PRKAR1B: variants seen among roughly 807,000 people sequenced by gnomAD.
PRKAR1B encodes the protein protein kinase cAMP-dependent type I regulatory subunit beta.
PRKAR1B carries 22 observed loss-of-function variants against 46.5 expected under a neutral mutation model. That is an observed-to-expected ratio of 0.47 (90% CI 0.34 to 0.68). PRKAR1B has a LOEUF of 0.68. PRKAR1B is among the 30% of genes least tolerant of loss of function. The pLI, the probability that PRKAR1B is intolerant of heterozygous loss-of-function variation, is 0.01. For synonymous variants in PRKAR1B, 259 were observed against 217.7 expected, an observed-to-expected ratio of 1.19 and a Z score of -1.67; for missense variants, 445 against 535.6, an observed-to-expected ratio of 0.83 and a Z score of 1.67.
intron 4 of PRKAR1B, among the ~76,000 whole-genome samples, chr7:659,492 G>A (rs1467019803): frequency 2.6e-5 from 4 of 152,154 alleles, no homozygotes; most frequent in Non-Finnish European, 2.9e-5. Flanking sequence ...ACGCCGTCCC[G>A]AGCCGGAATA....
At chr7:647,832 C>A (rs9692468) in intron 4 of PRKAR1B, among the ~76,000 whole-genome samples, 13,261 of 115,012 alleles carry the variant, frequency 0.12, 1,170 homozygotes, top group East Asian at 0.2. Context: ...AAAAAAAAAA[C>A]CTCCTCGCAT....
At chr7:661,600 C>G (rs1392668818) in intron 4 of PRKAR1B, among the ~76,000 whole-genome samples, 2 of 28,648 alleles carry the variant, frequency 7.0e-5, no homozygotes, top group Non-Finnish European at 1.5e-4. Context: ...TACCTACTCT[C>G]CCCCCCATGG....
chr7:726,987 C>G, intron 1 of PRKAR1B: 1 of 1,271,320 alleles, frequency 7.9e-7, no homozygotes, highest in Admixed American at 3.8e-5. Context: ...GCGACCCCGC[C>G]GAGGGCTGCC....
rs183379509 is a variant in PRKAR1B at position 587,512 on chromosome 7, C to T, written c.709-2944G>A. ...CTCCAGGGCCTGCGCCTACCCACTGCCCCCTCTCCTATCTCTCAATGCCAC... is the reference window on the plus strand; with the variant it reads ...CTCCAGGGCCTGCGCCTACCCACTGTCCCCTCTCCTATCTCTCAATGCCAC... On this transcript the variant is annotated intron_variant, in intron 7 of 10. Coordinates refer to ENST00000537384, the MANE Select transcript of PRKAR1B (RefSeq NM_001164760.2). Among the ~76,000 whole-genome samples the T allele has an allele frequency of 1.1e-3, 162 of 152,342 alleles. 1 individual carries two copies. The highest frequency in any genetic ancestry group is 3.8e-3 in the African/African-American group (156 of 41,594).
rs1193335560 is a variant in PRKAR1B, at chr7:560,373, ATAAT to A, written c.892-8907_892-8904del. On this transcript the variant is annotated intron_variant, in intron 9 of 10. Coordinates refer to ENST00000537384, the MANE Select transcript of PRKAR1B (RefSeq NM_001164760.2). This position sits in a 1 kb window ranked among gnomAD's most constrained non-coding sequence, Gnocchi z 4.2. ...TGAACTAATACAAATAATAATAATA[ATAAT>A]AATAATAATAATAAATATATTTTAA... Among the ~76,000 whole-genome samples the A allele has an allele frequency of 6.7e-6, 1 of 149,166 alleles. No homozygotes were observed. The highest frequency in any genetic ancestry group is 6.7e-5 in the Admixed American group (1 of 14,966).
intron 9 of PRKAR1B, among the ~76,000 whole-genome samples, chr7:574,135 C>T (rs1157939509): frequency 2.6e-5 from 4 of 152,346 alleles, no homozygotes; most frequent in East Asian, 3.9e-4. Flanking sequence ...TTTTCCTACA[C>T]GGGTCCTTGG....
intron 4 of PRKAR1B, among the ~76,000 whole-genome samples, chr7:646,003 G>A (rs946506806): frequency 3.3e-5 from 5 of 152,156 alleles, no homozygotes; most frequent in South Asian, 2.1e-4. Context: ...CTGAGATTCC[G>A]GCTCCTTCGT....
At chr7:601,968 C>T (rs1279238929) in intron 6 of PRKAR1B, among the ~76,000 whole-genome samples, 5 of 151,988 alleles carry the variant, frequency 3.3e-5, no homozygotes, top group Non-Finnish European at 7.4e-5. Flanking sequence ...AGGGATTTGC[C>T]AGGACAATAT....
At chr7:665,461 T>A (rs998619126) in intron 4 of PRKAR1B, among the ~76,000 whole-genome samples, 1 of 152,124 alleles carries the variant, frequency 6.6e-6, no homozygotes. Context: ...ATTGCATACA[T>A]CATCTGATGC....
At chr7:558,453 C>T (rs779835376) in intron 9 of PRKAR1B, among the ~76,000 whole-genome samples, 2 of 151,594 alleles carry the variant, frequency 1.3e-5, no homozygotes, top group Non-Finnish European at 2.9e-5. Flanking sequence ...GCAGGTATGA[C>T]TTTGATCAGA....
At chr7:627,887 C>T (rs996041915) in intron 4 of PRKAR1B, among the ~76,000 whole-genome samples, 1 of 152,176 alleles carries the variant, frequency 6.6e-6, no homozygotes, top group African/African-American at 2.4e-5. Flanking sequence ...CTGTGCTGGG[C>T]GCCAGGTTGC....
chr7:624,602 TTAAG>T (rs1451512874), intron 4 of PRKAR1B, among the ~76,000 whole-genome samples: 1 of 152,212 alleles, frequency 6.6e-6, no homozygotes, highest in African/African-American at 2.4e-5. Context: ...GATTGGTTAA[TTAAG>T]TTACAGAATG....
At chr7:568,826 A>AC (rs561642243) in intron 9 of PRKAR1B, among the ~76,000 whole-genome samples, 6 of 152,246 alleles carry the variant, frequency 3.9e-5, no homozygotes, top group African/African-American at 1.4e-4. Context: ...GGACCTTGGA[A>AC]CCAGCCACTG....
At chr7:614,118 C>T (rs1345422325) in intron 4 of PRKAR1B, among the ~76,000 whole-genome samples, 7 of 152,250 alleles carry the variant, frequency 4.6e-5, no homozygotes, top group Admixed American at 6.5e-5. Flanking sequence ...ACGCCCCGCA[C>T]GCCCGACCAG....
chr7:653,617 T>C (rs1785026001), intron 4 of PRKAR1B, among the ~76,000 whole-genome samples: 1 of 152,076 alleles, frequency 6.6e-6, no homozygotes, highest in African/African-American at 2.4e-5. Context: ...TCATCCAGAA[T>C]GGGCTAAAAT....
At position 588,230 on chromosome 7, in the gene PRKAR1B, T is replaced by A. The variant is rs150684370; in HGVS notation, c.709-3662A>T. 5.6e-3 allele frequency among the ~76,000 whole-genome samples: 853 copies of A among 152,326 alleles called. 8 individuals are homozygous for A. Among genetic ancestry groups the A allele is most frequent in the African/African-American group, 0.017 (690 of 41,578 alleles). The stretch of plus-strand genomic sequence containing the variant: ...GACCCTAAGGACACCCACCCTCCCC[T>A]GCCTTCCAGAGCCTCAGCATGGAGG... On this transcript the variant is annotated intron_variant, in intron 7 of 10. Coordinates refer to ENST00000537384, the MANE Select transcript of PRKAR1B (RefSeq NM_001164760.2).
chr7:711,383 G>A lies in PRKAR1B; in HGVS notation c.123C>T (p.Ser41=). 2 of 1,614,240 alleles carry A rather than the reference G, an allele frequency of 1.2e-6. No individual in the cohort carries two copies. The highest frequency in any genetic ancestry group is 1.7e-6 in the Non-Finnish European group (2 of 1,180,030). The change falls in exon 2 of 11, where the codon TCC becomes TCT. Residue 41 remains serine, a synonymous_variant. Transcript: ENST00000537384. Reference sequence around the variant, plus strand: ...GGAACTTCATGGGGCGTTCGGGCTTGGAGATGCAGAGGTGGACGATACAGT... The same window carrying A: ...GGAACTTCATGGGGCGTTCGGGCTTAGAGATGCAGAGGTGGACGATACAGT... ...LKDCIVHLCI[S]KPERPMKFLR...
chr7:553,642 T>C (rs990952392), intron 9 of PRKAR1B, among the ~76,000 whole-genome samples: 2 of 152,164 alleles, frequency 1.3e-5, no homozygotes, highest in Non-Finnish European at 2.9e-5. Flanking sequence ...CATTTCAAGG[T>C]GGGCTCGGTT....
In PRKAR1B at chr7:672,970, G is replaced by A. The variant is rs1445798002; in HGVS notation, c.440+4259C>T. ...TGAGGTAGGAGAATCACTTGAGCAC[G>A]GAAGGCCGAGGCTGCAGTGAGCTAT... On this transcript the variant is annotated intron_variant, in intron 4 of 10. Transcript: ENST00000537384. Among the ~76,000 whole-genome samples the A allele has an allele frequency of 1.4e-4, 20 of 147,804 alleles. No individual in the cohort carries two copies. The Admixed American group carries it at 1.4e-3, about 10-fold the overall frequency.
Sources: gnomAD v4.1 joint callset for allele counts (sites outside exome capture counted in the v4.1 genomes callset) on GRCh38, gnomAD v4.1.1 for gene constraint, Gnocchi (gnomAD v3.1) non-coding constraint, MANE v1.5 for transcripts, NCBI Gene and HGNC (gene_info 2026-07-23, HGNC 2026-07-21) for gene names.